CUX1: variants seen among roughly 807,000 people sequenced by gnomAD.
The protein encoded by CUX1 is cut like homeobox 1.
Under a neutral mutation model 158.8 loss-of-function variants are expected in CUX1, and 31 were observed. The observed-to-expected ratio is 0.20, with a 90% CI of 0.15 to 0.26. The LOEUF (loss-of-function observed/expected upper bound fraction) is 0.26, where lower values mean the gene tolerates loss of function less well. CUX1 is among the 10% of genes least tolerant of loss of function. CUX1 has a pLI of 1.00. For synonymous variants in CUX1, 879 were observed against 862.1 expected (o/e 1.02, Z -0.34); for missense variants, 1,589 against 2,014.6 (o/e 0.79, Z 4.04).
intron 20 of CUX1, among the ~76,000 whole-genome samples, chr7:102,225,015 T>C (rs1798205787): frequency 6.6e-6 from 1 of 152,196 alleles, no homozygotes; most frequent in Admixed American, 6.5e-5. Flanking sequence ...ACGGTACGGT[T>C]CCTCTGCCGG....
chr7:102,113,419 T>C (rs886680604), intron 7 of CUX1, among the ~76,000 whole-genome samples: 2 of 149,002 alleles, frequency 1.3e-5, no homozygotes, highest in African/African-American at 5.0e-5. Context: ...CATGCCACCA[T>C]GCCCGGTTAA....
chr7:101,972,439 A>G (rs1672408464), intron 2 of CUX1, among the ~76,000 whole-genome samples: 1 of 152,278 alleles, frequency 6.6e-6, no homozygotes, highest in Non-Finnish European at 1.5e-5. Flanking sequence ...GCCTCCTCGG[A>G]CGGCATCTGA....
At chr7:102,193,968 T>C (rs762062011) in intron 13 of CUX1, 78 bp downstream of exon 13, 14 of 1,394,902 alleles carry the variant, frequency 1.0e-5, no homozygotes, top group Non-Finnish European at 1.1e-5. Context: ...GCATATCCCA[T>C]GATCCACTGT....
At chr7:102,116,199 C>T (rs1342166065) in intron 8 of CUX1, among the ~76,000 whole-genome samples, 15 of 152,160 alleles carry the variant, frequency 9.9e-5, no homozygotes, top group African/African-American at 3.4e-4. Flanking sequence ...CCCCATCTCA[C>T]GTGACCTTGG....
At chr7:101,944,583 A>T (rs990838366) in intron 2 of CUX1, among the ~76,000 whole-genome samples, 1 of 152,178 alleles carries the variant, frequency 6.6e-6, no homozygotes, top group Non-Finnish European at 1.5e-5. Context: ...CTAAGGTCAC[A>T]CTTTGGTGCA....
chr7:102,044,149 T>C (rs943450868), intron 3 of CUX1, among the ~76,000 whole-genome samples: 2 of 151,678 alleles, frequency 1.3e-5, no homozygotes, highest in African/African-American at 2.4e-5. Flanking sequence ...CCAGGCCTTA[T>C]GTGTTTTCTT....
chr7:102,201,642 C>A lies in CUX1; in HGVS notation c.2345C>A (p.Pro782Gln). Reference sequence around the variant, plus strand: ...GGTGCCTCTGCTCTGCCGAACCCCCCGGCCCTCAAAAAGGAGGCCCAGGAC... The same window carrying A: ...GGTGCCTCTGCTCTGCCGAACCCCCAGGCCCTCAAAAAGGAGGCCCAGGAC... ...EAGASALPNPPALKKEAQDAP... is the reference protein window; with the variant it reads ...EAGASALPNPQALKKEAQDAP... Residue 782 changes from proline (P) to glutamine (Q), a missense_variant, in exon 18 of 24, where the codon CCG becomes CAG. Transcript: ENST00000292535. This position sits in a 1 kb window ranked among gnomAD's most constrained non-coding sequence, Gnocchi z 5.0. 1 of 1,613,600 alleles carries A rather than the reference C, an allele frequency of 6.2e-7. No individual in the cohort carries two copies. Among genetic ancestry groups the A allele is most frequent in the Non-Finnish European group, 8.5e-7 (1 of 1,179,898 alleles).
intron 1 of CUX1, among the ~76,000 whole-genome samples, chr7:101,882,310 C>T (rs1799801249): frequency 6.6e-6 from 1 of 152,186 alleles, no homozygotes; most frequent in South Asian, 2.1e-4. Context: ...ACTCAGCACG[C>T]CCTGTTGCGA....
At chr7:102,087,309 G>C (rs1464005361) in intron 4 of CUX1, among the ~76,000 whole-genome samples, 3 of 152,144 alleles carry the variant, frequency 2.0e-5, no homozygotes, top group African/African-American at 4.8e-5. Flanking sequence ...AGCCAGCCAT[G>C]ATGGCTCACA....
chr7:101,823,123 T>A (rs1792856822), intron 1 of CUX1, among the ~76,000 whole-genome samples: 1 of 152,130 alleles, frequency 6.6e-6, no homozygotes, highest in Admixed American at 6.6e-5. Flanking sequence ...GGCAGAAATT[T>A]TGTGTTGATT....
intron 8 of CUX1, among the ~76,000 whole-genome samples, chr7:102,151,706 C>T (rs1835682127): frequency 8.8e-6 from 1 of 114,176 alleles, no homozygotes; most frequent in African/African-American, 3.4e-5. Flanking sequence ...CCAGCCTGGG[C>T]GACAGAGTGA....
chr7:101,892,171 A>G (rs2131649088), intron 1 of CUX1, among the ~76,000 whole-genome samples: 1 of 152,354 alleles, frequency 6.6e-6, no homozygotes, highest in African/African-American at 2.4e-5. Context: ...AGACAGTTGG[A>G]CTTAAGAAAA....
Position 102,097,287 on chromosome 7 carries a change from C to T in CUX1, c.269-77C>T, listed in dbSNP as rs181804840. On this transcript the variant is annotated intron_variant, in intron 4 of 23. Coordinates refer to ENST00000292535, the MANE Select transcript of CUX1 (RefSeq NM_181552.4). ...CGGAGCTGATGTCCCAGGAGCCCCA[C>T]TCTGAGCCTGTGTACCGCCGTGGAG... 4.7e-4 allele frequency: 706 copies of T among 1,517,852 alleles called. No homozygotes were observed. In the Middle Eastern group the frequency reaches 6.6e-3, roughly 14 times the overall value. The allele number at this position is 1,517,852 out of a possible 1,614,324, so 94.0% of individuals were successfully genotyped here.
At chr7:102,077,625 C>T (rs1826920470) in intron 4 of CUX1, among the ~76,000 whole-genome samples, 1 of 150,658 alleles carries the variant, frequency 6.6e-6, no homozygotes, top group Non-Finnish European at 1.5e-5. Flanking sequence ...CCTCCCATCT[C>T]TTTAAGAAAA....
intron 5 of CUX1, among the ~76,000 whole-genome samples, chr7:102,101,555 G>A (rs1242974055): frequency 2.6e-5 from 4 of 152,188 alleles, no homozygotes; most frequent in Admixed American, 2.6e-4. Context: ...TCACTGAGGA[G>A]CCCCACTGGA....
At chr7:101,878,030 G>A (rs1242878892) in intron 1 of CUX1, among the ~76,000 whole-genome samples, 1 of 152,174 alleles carries the variant, frequency 6.6e-6, no homozygotes, top group Non-Finnish European at 1.5e-5. Context: ...GGAACTGCCA[G>A]ATTACCCACA....
At chr7:102,047,491 AGATGGAGGGAGGGAGG>A (rs1448050496) in intron 3 of CUX1, among the ~76,000 whole-genome samples, 1 of 120,484 alleles carries the variant, frequency 8.3e-6, no homozygotes, top group African/African-American at 3.1e-5. Flanking sequence ...ATGAAGGGAG[AGATGGAGGGAGGGAGG>A]GAAGGAGGGA....
At chr7:101,892,801 TA>T (rs1801036956) in intron 1 of CUX1, among the ~76,000 whole-genome samples, 1 of 152,150 alleles carries the variant, frequency 6.6e-6, no homozygotes, top group South Asian at 2.1e-4. Context: ...TTTAGACCAT[TA>T]AAGGGCCTAA....
chr7:102,249,110 G>C lies in CUX1; in HGVS notation c.*68G>C. The C allele has an allele frequency of 8.4e-7, 1 of 1,188,442 alleles. No homozygotes were observed. Among genetic ancestry groups the C allele is most frequent in the Non-Finnish European group, 1.0e-6 (1 of 957,542 alleles). The allele number at this position is 1,188,442 out of a possible 1,614,324, so 73.6% of individuals were successfully genotyped here. ...GGCCTGGACGGGGTCGGACGGGGCA[G>C]GCGCTGCGGACACCGTGGCCTGGGC... is the stretch of plus-strand genomic sequence containing the variant. On this transcript the variant is annotated 3_prime_UTR_variant, in exon 24 of 24. Transcript: ENST00000292535.
Sources: gnomAD v4.1 joint callset for allele counts (sites outside exome capture counted in the v4.1 genomes callset) on GRCh38, gnomAD v4.1.1 for gene constraint, Gnocchi (gnomAD v3.1) non-coding constraint, MANE v1.5 for transcripts, NCBI Gene and HGNC (gene_info 2026-07-23, HGNC 2026-07-21) for gene names.